Variants in ADAM12 observed in about 807,000 individuals in gnomAD.
The protein encoded by ADAM12 is disintegrin and metalloproteinase domain-containing protein 12.
Under a neutral mutation model 106.4 loss-of-function variants are expected in ADAM12, and 70 were observed. The ratio of observed to expected loss-of-function variants is 0.66; its 90% CI spans 0.54 to 0.80. The LOEUF (loss-of-function observed/expected upper bound fraction) is 0.80. ADAM12 is among the 30% of genes least tolerant of loss of function. ADAM12 has a pLI of 0.00. For missense variants in ADAM12, 1,010 were observed against 1,171.9 expected (o/e 0.86, Z 2.02); for synonymous variants, 420 against 433.5 (o/e 0.97, Z 0.39).
At chr10:126,077,173 A>G (rs12570739) in intron 11 of ADAM12, among the ~76,000 whole-genome samples, 27,205 of 152,100 alleles carry the variant, frequency 0.18, 2,869 homozygotes, top group South Asian at 0.28. Flanking sequence ...AGAAAAAGGA[A>G]ATACCTAGGA....
intron 4 of ADAM12, among the ~76,000 whole-genome samples, chr10:126,146,098 A>G (rs1253617151): frequency 1.3e-5 from 2 of 152,226 alleles, no homozygotes; most frequent in Non-Finnish European, 1.5e-5. Flanking sequence ...AGGTGGCTAA[A>G]ACATCTTCCA....
At chr10:126,380,303 TCATTTGAACTGCA>T (rs2133934382) in intron 1 of ADAM12, among the ~76,000 whole-genome samples, 1 of 152,332 alleles carries the variant, frequency 6.6e-6, no homozygotes, top group East Asian at 1.9e-4. Context: ...CAAATAATGT[TCATTTGAACTGCA>T]TTACCGTTCT....
At chr10:126,346,550 G>A (rs1241229809) in intron 1 of ADAM12, among the ~76,000 whole-genome samples, 1 of 152,192 alleles carries the variant, frequency 6.6e-6, no homozygotes, top group Non-Finnish European at 1.5e-5. Context: ...ACTTGGTGCA[G>A]AGCTGAGTTC....
chr10:126,167,813 C>T (rs1957050635), intron 3 of ADAM12, among the ~76,000 whole-genome samples: 1 of 152,150 alleles, frequency 6.6e-6, no homozygotes, highest in African/African-American at 2.4e-5. Flanking sequence ...TGTGGGAGGA[C>T]ACGTGACAAC....
intron 18 of ADAM12, chr10:126,041,850 T>C: frequency 1.6e-6 from 2 of 1,267,422 alleles, no homozygotes; most frequent in South Asian, 2.3e-5. Context: ...GGCTGGGGCC[T>C]GCCAGAGTGG....
chr10:126,150,976 C>G (rs1431589071), intron 4 of ADAM12, among the ~76,000 whole-genome samples: 1 of 152,168 alleles, frequency 6.6e-6, no homozygotes, highest in African/African-American at 2.4e-5. Context: ...TAAAATACCA[C>G]AGTGGTATTT....
At chr10:126,120,986 C>CTAAT (rs1956078867) in intron 5 of ADAM12, among the ~76,000 whole-genome samples, 1 of 31,418 alleles carries the variant, frequency 3.2e-5, no homozygotes, top group African/African-American at 9.3e-5. Context: ...TGCAATATAG[C>CTAAT]ATATATTATA....
At chr10:126,241,538 C>A (rs1297228259) in intron 3 of ADAM12, among the ~76,000 whole-genome samples, 2 of 152,336 alleles carry the variant, frequency 1.3e-5, no homozygotes, top group Non-Finnish European at 2.9e-5. Flanking sequence ...TGCCTTCCAA[C>A]AAGCCTTATG....
rs927028647 is a variant in ADAM12, at chr10:126,206,858, G to GT, written c.261-51554_261-51553insA. Among the ~76,000 whole-genome samples, 4 of 139,092 alleles carry GT rather than the reference G, an allele frequency of 2.9e-5. 1 individual carries two copies. Among genetic ancestry groups the GT allele is most frequent in the Non-Finnish European group, 3.2e-5 (2 of 63,326 alleles). The allele number at this position is 139,092 out of a possible 152,430, so 91.2% of individuals were successfully genotyped here. A position where few individuals can be genotyped will look rare whatever the true frequency, so the allele number is the denominator to read the frequency against. On this transcript the variant is annotated intron_variant, in intron 3 of 22. Transcript: ENST00000448723. ...TCCCTGAATTCCCATGTGTTGTGGG[G>GT]GCGGGGGGGAGCCAGTGGGAGGTAA...
At chr10:126,071,346 G>A in intron 12 of ADAM12, 131 bp downstream of exon 12, 1 of 1,084,552 alleles carries the variant, frequency 9.2e-7, no homozygotes, top group South Asian at 1.7e-5. Context: ...TGTTCAGGAT[G>A]GGCAGATAGG....
intron 3 of ADAM12, among the ~76,000 whole-genome samples, chr10:126,173,053 C>T (rs1411645903): frequency 2.0e-5 from 3 of 152,076 alleles, no homozygotes; most frequent in African/African-American, 7.2e-5. Flanking sequence ...GGGAGTTGAA[C>T]AATGAGAACA....
intron 21 of ADAM12, among the ~76,000 whole-genome samples, chr10:126,020,398 G>C (rs1372937881): frequency 2.0e-5 from 3 of 152,134 alleles, no homozygotes; most frequent in Non-Finnish European, 2.9e-5. Context: ...AGTGGTCTGA[G>C]GGGCAAGTCA....
intron 3 of ADAM12, among the ~76,000 whole-genome samples, chr10:126,162,577 G>T (rs1484013619): frequency 1.3e-5 from 2 of 152,112 alleles, no homozygotes; most frequent in Non-Finnish European, 2.9e-5. Context: ...ACAAGCTTCA[G>T]AGCCACAGGT....
intron 2 of ADAM12, among the ~76,000 whole-genome samples, chr10:126,314,215 A>G (rs975602707): frequency 6.6e-6 from 1 of 152,162 alleles, no homozygotes; most frequent in Non-Finnish European, 1.5e-5. Flanking sequence ...GGCAGGAAGT[A>G]AGCTTGGAGA....
chr10:126,143,819 C>A (rs960469438), intron 4 of ADAM12, among the ~76,000 whole-genome samples: 44 of 152,002 alleles, frequency 2.9e-4, no homozygotes, highest in Admixed American at 6.5e-4. Flanking sequence ...TGCATTTCAG[C>A]ATGACTGCAG....
intron 3 of ADAM12, among the ~76,000 whole-genome samples, chr10:126,182,502 C>T (rs1034853272): frequency 3.3e-5 from 5 of 152,108 alleles, no homozygotes; most frequent in Non-Finnish European, 7.4e-5. Context: ...TTCAAAGTAT[C>T]CTTTGTAGAC....
rs1172369344 is a variant in ADAM12, at chr10:126,143,844, C to T, written c.340-8184G>A. Among the ~76,000 whole-genome samples the T allele has an allele frequency of 5.3e-5, 8 of 152,036 alleles. No homozygotes were observed. The East Asian group carries it at 1.5e-3, about 29-fold the overall frequency. ...CATGACTGCAGTCAGGTCCTTGTTC[C>T]CTTGCACGCAAGCCCCAACATACTA... On this transcript the variant is annotated intron_variant, in intron 4 of 22. Coordinates refer to ENST00000448723, the MANE Select transcript of ADAM12 (RefSeq NM_001288973.2).
At chr10:126,094,925 G>T (rs948790779) in intron 10 of ADAM12, among the ~76,000 whole-genome samples, 98 of 152,236 alleles carry the variant, frequency 6.4e-4, no homozygotes, top group African/African-American at 2.3e-3. Flanking sequence ...TGCCTGGATG[G>T]CTTGGCTCAA....
At chr10:126,180,808 A>G (rs1190970608) in intron 3 of ADAM12, among the ~76,000 whole-genome samples, 8 of 152,150 alleles carry the variant, frequency 5.3e-5, no homozygotes, top group Non-Finnish European at 1.0e-4. Flanking sequence ...GTTGATTTTC[A>G]CTTCCCACCG....
Sources: gnomAD v4.1 joint callset for allele counts (sites outside exome capture counted in the v4.1 genomes callset) on GRCh38, gnomAD v4.1.1 for gene constraint, MANE v1.5 for transcripts, NCBI Gene and HGNC (gene_info 2026-07-23, HGNC 2026-07-21) for gene names.